Variants in CTNNBL1 observed in about 807,000 individuals in gnomAD.
CTNNBL1 encodes the protein catenin beta like 1, also known as beta-catenin-like protein 1.
Under a neutral mutation model 72.7 loss-of-function variants are expected in CTNNBL1, and 31 were observed. The observed-to-expected ratio is 0.43, with a 90% confidence interval of 0.32 to 0.58. The LOEUF is 0.58. Among genes scored for constraint, CTNNBL1 ranks in the 20% least tolerant of loss-of-function variants. The probability of loss-of-function intolerance (pLI) is 0.08; values close to 1 mark genes in which losing one functional copy is unlikely to be tolerated. For synonymous variants in CTNNBL1, 240 were observed against 267.3 expected (o/e 0.90, Z 1.00); for missense variants, 534 against 725.1 (o/e 0.74, Z 3.03).
intron 1 of CTNNBL1, among the ~76,000 whole-genome samples, chr20:37,713,104 G>A (rs928402260): frequency 3.9e-5 from 6 of 152,168 alleles, no homozygotes; most frequent in African/African-American, 1.4e-4. Context: ...ACAGAAATTC[G>A]TAAGCTTCAG....
At chr20:37,705,667 C>T (rs1250695095) in intron 1 of CTNNBL1, among the ~76,000 whole-genome samples, 2 of 152,076 alleles carry the variant, frequency 1.3e-5, no homozygotes, top group South Asian at 4.1e-4. Flanking sequence ...AATTATTTTC[C>T]CGTGGTCTCT....
At chr20:37,756,615 TTCTC>T (rs960937430) in intron 4 of CTNNBL1, among the ~76,000 whole-genome samples, 1 of 151,258 alleles carries the variant, frequency 6.6e-6, no homozygotes, top group Non-Finnish European at 1.5e-5. Context: ...TTCTTTTCTT[TTCTC>T]TCTCTCTCCC....
intron 7 of CTNNBL1, among the ~76,000 whole-genome samples, chr20:37,773,435 A>G (rs6096147): frequency 0.019 from 2,942 of 152,314 alleles, 85 homozygotes; most frequent in African/African-American, 0.068. Context: ...GTACAAACCT[A>G]TGCATGACTC....
rs551898494 is a variant in CTNNBL1, at chr20:37,809,913, A to G, written c.1213+6865A>G. The stretch of plus-strand genomic sequence containing the variant: ...GTACTGGCTATAATCAACATGAGAC[A>G]CATGCTGGTCATTAAGAGCATTATG... On this transcript the variant is annotated intron_variant, in intron 11 of 15. Transcript: ENST00000361383. Among the ~76,000 whole-genome samples the G allele has an allele frequency of 1.5e-3, 222 of 152,326 alleles. 1 individual carries two copies. The highest frequency in any genetic ancestry group is 5.2e-3 in the African/African-American group (216 of 41,574).
chr20:37,861,663 G>A (rs116927424), intron 15 of CTNNBL1, among the ~76,000 whole-genome samples: 1 of 152,236 alleles, frequency 6.6e-6, no homozygotes, highest in Non-Finnish European at 1.5e-5. Flanking sequence ...GTGAAGCACG[G>A]TTAAGAGCGT....
At chr20:37,779,795 C>T (rs1336444564) in intron 10 of CTNNBL1, among the ~76,000 whole-genome samples, 1 of 152,084 alleles carries the variant, frequency 6.6e-6, no homozygotes, top group Admixed American at 6.6e-5. Flanking sequence ...TGCTGTATGC[C>T]TAGCTTAGGA....
Position 37,733,050 on chromosome 20 carries a change from G to C in CTNNBL1, c.202G>C (p.Glu68Gln), listed in dbSNP as rs1308603634. 1.2e-6 allele frequency: 2 copies of C among 1,612,478 alleles called. No individual in the cohort carries two copies. The highest frequency in any genetic ancestry group is 1.7e-6 in the Non-Finnish European group (2 of 1,179,536). The part of the protein sequence containing the change: ...RLLQIIDRDG[E>Q]EEEEEEEPLD... Reference sequence around the variant, plus strand: ...GCTGCAGATTATTGACAGAGATGGGGAAGAGGAAGAGGAAGAGGTAACGTG... The same window carrying C: ...GCTGCAGATTATTGACAGAGATGGGCAAGAGGAAGAGGAAGAGGTAACGTG... Residue 68 changes from glutamate (E) to glutamine (Q), a missense_variant, in exon 2 of 16, where the codon GAA becomes CAA. Transcript: ENST00000361383.
intron 10 of CTNNBL1, among the ~76,000 whole-genome samples, chr20:37,782,161 G>A (rs1265830448): frequency 6.6e-6 from 1 of 152,136 alleles, no homozygotes; most frequent in African/African-American, 2.4e-5. Flanking sequence ...ATACAGAGAT[G>A]AACAAAACAG....
chr20:37,757,762 T>A, intron 5 of CTNNBL1, 106 bp downstream of exon 5: 1 of 744,092 alleles, frequency 1.3e-6, no homozygotes, highest in South Asian at 1.6e-5. Flanking sequence ...ACGGCAAGGC[T>A]GGAGTGTGGT....
chr20:37,864,588 C>T (rs375144177), intron 15 of CTNNBL1, among the ~76,000 whole-genome samples: 44 of 152,290 alleles, frequency 2.9e-4, no homozygotes, highest in African/African-American at 9.1e-4. Context: ...TCAGTGCTCC[C>T]GACGTCCAGC....
chr20:37,708,694 C>A (rs993136146), intron 1 of CTNNBL1, among the ~76,000 whole-genome samples: 3 of 152,244 alleles, frequency 2.0e-5, no homozygotes, highest in South Asian at 2.1e-4. Flanking sequence ...TCCTGGAGTT[C>A]AGTGAAGGAT....
In CTNNBL1 at chr20:37,840,163, G is replaced by C. The variant is rs370621073; in HGVS notation, c.1275G>C (p.Arg425=). The C allele has an allele frequency of 5.7e-5, 92 of 1,613,664 alleles. No homozygotes were observed. Among genetic ancestry groups the C allele is most frequent in the Non-Finnish European group, 7.5e-5 (89 of 1,179,812 alleles). ...LRNLRGQQRT[R]LLNKFTENDS... ...ACCTGAGAGGGCAGCAGCGGACCCG[G>C]CTTCTGAATAAATTCACTGAAAATG... The change falls in exon 12 of 16, where the codon CGG becomes CGC. Residue 425 remains arginine (R), a synonymous_variant. Coordinates refer to ENST00000361383, the MANE Select transcript of CTNNBL1 (RefSeq NM_030877.5).
At chr20:37,805,273 C>T (rs1392214040) in intron 11 of CTNNBL1, among the ~76,000 whole-genome samples, 1 of 152,230 alleles carries the variant, frequency 6.6e-6, no homozygotes, top group African/African-American at 2.4e-5. Flanking sequence ...TACTGGTGGG[C>T]ATGCCCAGCT....
At chr20:37,736,548 C>CT (rs1205833756) in intron 2 of CTNNBL1, among the ~76,000 whole-genome samples, 52 of 149,236 alleles carry the variant, frequency 3.5e-4, no homozygotes, top group Admixed American at 1.0e-3. Context: ...AACAACTTTT[C>CT]TTTTTTTTTT....
In CTNNBL1 at chr20:37,855,319, C is replaced by CA. The variant is rs558696634; in HGVS notation, c.1393-4577dup. On this transcript the variant is annotated intron_variant, in intron 13 of 15. Coordinates refer to ENST00000361383, the MANE Select transcript of CTNNBL1 (RefSeq NM_030877.5). ...TTTAAGCACTCCTGACCCCACCCCC[C>CA]AAATAGACTTAGTCCAGCCTTCTTC... 5.3e-4 allele frequency among the ~76,000 whole-genome samples: 81 copies of CA among 152,240 alleles called. 1 individual carries two copies. The South Asian group carries it at 0.012, about 23-fold the overall frequency.
chr20:37,738,255 C>G (rs1157479743), intron 3 of CTNNBL1, among the ~76,000 whole-genome samples: 1 of 152,176 alleles, frequency 6.6e-6, no homozygotes, highest in African/African-American at 2.4e-5. Context: ...CTTTCTTAGC[C>G]TTGGGTGTCT....
At chr20:37,820,865 C>T (rs1287087162) in intron 11 of CTNNBL1, among the ~76,000 whole-genome samples, 1 of 152,160 alleles carries the variant, frequency 6.6e-6, no homozygotes, top group Non-Finnish European at 1.5e-5. Flanking sequence ...AATGAACTGC[C>T]TCTGGTGGCT....
intron 1 of CTNNBL1, among the ~76,000 whole-genome samples, chr20:37,703,516 A>G (rs1001003651): frequency 6.6e-6 from 1 of 152,204 alleles, no homozygotes; most frequent in African/African-American, 2.4e-5. Flanking sequence ...CTTCTTCATC[A>G]TTTTAGAAGA....
At chr20:37,803,834 G>A (rs1204263424) in intron 11 of CTNNBL1, among the ~76,000 whole-genome samples, 1 of 152,118 alleles carries the variant, frequency 6.6e-6, no homozygotes, top group African/African-American at 2.4e-5. Flanking sequence ...TTTCTCAGAA[G>A]CAATGTTCGT....
Sources: gnomAD v4.1 joint callset for allele counts (sites outside exome capture counted in the v4.1 genomes callset) on GRCh38, gnomAD v4.1.1 for gene constraint, MANE v1.5 for transcripts, NCBI Gene and HGNC (gene_info 2026-07-23, HGNC 2026-07-21) for gene names.